The following C2orf76 variants were observed in gnomAD, a reference collection of about 807,000 sequenced individuals.
C2orf76 encodes the protein UPF0538 protein C2orf76.
Under a neutral mutation model 16.9 loss-of-function variants are expected in C2orf76, and 23 were observed. That is an observed-to-expected ratio of 1.36 (90% CI 0.98 to 1.93). C2orf76 has a LOEUF of 1.93. C2orf76 is among the 30% of genes most tolerant of loss of function. The pLI, the probability that C2orf76 is intolerant of heterozygous loss-of-function variation, is 0.00. For missense variants in C2orf76, 152 were observed against 152.6 expected (o/e 1.00, Z 0.02); for synonymous variants, 48 against 52.3 (o/e 0.92, Z 0.35).
At chr2:119,361,724 C>T (rs952565272) in intron 1 of C2orf76, among the ~76,000 whole-genome samples, 1 of 152,090 alleles carries the variant, frequency 6.6e-6, no homozygotes, top group African/African-American at 2.4e-5. Context: ...TAGGAAAAAA[C>T]ATATATAGGG....
Position 119,334,326 on chromosome 2 carries a change from C to T in C2orf76, c.133+5501G>A, listed in dbSNP as rs576688231. Among the ~76,000 whole-genome samples the T allele has an allele frequency of 3.6e-4, 36 of 101,244 alleles. No homozygotes were observed. In the South Asian group the frequency reaches 8.8e-3, roughly 25 times the overall value. The allele number at this position is 101,244 out of a possible 152,430, so 66.4% of individuals were successfully genotyped here. On this transcript the variant is annotated intron_variant, in intron 2 of 5. Transcript: ENST00000334816. ...TGGCTACATGACATTACCCATTTGT[C>T]AAAAACCCAAAGAACTTTGTAGCAC... is the stretch of plus-strand genomic sequence containing the variant.
At chr2:119,339,572 AATT>A (rs1465416997) in intron 2 of C2orf76, among the ~76,000 whole-genome samples, 3 of 121,738 alleles carry the variant, frequency 2.5e-5, no homozygotes, top group African/African-American at 8.7e-5. Context: ...TATTACTTTT[AATT>A]AAAAAAAAAA....
chr2:119,325,375 G>T (rs953785195), intron 2 of C2orf76, among the ~76,000 whole-genome samples: 4 of 145,646 alleles, frequency 2.7e-5, no homozygotes, highest in Admixed American at 7.1e-5. Context: ...CATGAGAATC[G>T]CTTGAACCCA....
the C2orf76 span, among the ~76,000 whole-genome samples, chr2:119,281,518 A>G: frequency 1.3e-5 from 1 of 75,892 alleles, no homozygotes; most frequent in East Asian, 2.2e-4. Context: ...CAAAGAAAAT[A>G]AAAAGAGAGA....
chr2:119,348,966 G>A (rs1431306668), intron 1 of C2orf76, among the ~76,000 whole-genome samples: 1 of 152,234 alleles, frequency 6.6e-6, no homozygotes, highest in Non-Finnish European at 1.5e-5. Context: ...CAGCCTGGGA[G>A]ACAAAGCCAG....
intron 1 of C2orf76, among the ~76,000 whole-genome samples, chr2:119,355,893 T>C (rs1308022054): frequency 6.6e-6 from 1 of 152,158 alleles, no homozygotes; most frequent in Non-Finnish European, 1.5e-5. Context: ...ACACATACTT[T>C]TCAAGTATCC....
At chr2:119,361,842 G>GTT (rs112429464) in intron 1 of C2orf76, among the ~76,000 whole-genome samples, 1 of 151,968 alleles carries the variant, frequency 6.6e-6, no homozygotes, top group Non-Finnish European at 1.5e-5. Context: ...TCAAAATAGT[G>GTT]TTTTTTTGAA....
intron 1 of C2orf76, among the ~76,000 whole-genome samples, chr2:119,343,719 G>A (rs1680110672): frequency 6.6e-6 from 1 of 152,166 alleles, no homozygotes; most frequent in African/African-American, 2.4e-5. Flanking sequence ...GGTGGAGGTT[G>A]CAGTGAGCTG....
downstream of C2orf76, among the ~76,000 whole-genome samples, chr2:119,298,786 T>C (rs752695750): frequency 7.9e-5 from 12 of 152,154 alleles, no homozygotes; most frequent in Non-Finnish European, 1.5e-4. Context: ...GTCTCTTAGT[T>C]CAAAAAAAAC....
At chr2:119,304,934 C>G (rs1003236679) in intron 5 of C2orf76, among the ~76,000 whole-genome samples, 1 of 152,102 alleles carries the variant, frequency 6.6e-6, no homozygotes, top group Non-Finnish European at 1.5e-5. Flanking sequence ...TTCCTGCTTC[C>G]CAAATACTAT....
chr2:119,364,212 G>T (rs1236039379), intron 1 of C2orf76, among the ~76,000 whole-genome samples: 1 of 151,822 alleles, frequency 6.6e-6, no homozygotes, highest in Non-Finnish European at 1.5e-5. Context: ...GACAAGAGTG[G>T]TTTCTATGAA....
intron 5 of C2orf76, among the ~76,000 whole-genome samples, chr2:119,307,147 C>T (rs2104537137): frequency 6.6e-6 from 1 of 152,112 alleles, no homozygotes; most frequent in African/African-American, 2.4e-5. Flanking sequence ...CTAGAAAAAT[C>T]ACATATTTCA....
At chr2:119,301,668 C>T (rs1678624569), downstream of C2orf76, among the ~76,000 whole-genome samples, 1 of 152,186 alleles carries the variant, frequency 6.6e-6, no homozygotes, top group Non-Finnish European at 1.5e-5. Flanking sequence ...AAGGACTCCA[C>T]AGGTGCTGGC....
chr2:119,325,935 G>T (rs1258480985), intron 2 of C2orf76, among the ~76,000 whole-genome samples: 3 of 152,120 alleles, frequency 2.0e-5, no homozygotes, highest in Non-Finnish European at 4.4e-5. Context: ...GTTATAAGAG[G>T]TTTTGGTTTT....
intron 4 of C2orf76, among the ~76,000 whole-genome samples, chr2:119,314,013 G>GTTTTT (rs1679081403): frequency 1.9e-5 from 1 of 53,790 alleles, no homozygotes; most frequent in Admixed American, 1.6e-4. Context: ...TTTTCTCAGT[G>GTTTTT]GTTTTTTTTT....
chr2:119,335,736 C>T (rs1427736383), intron 2 of C2orf76, among the ~76,000 whole-genome samples: 1 of 152,126 alleles, frequency 6.6e-6, no homozygotes, highest in Middle Eastern at 3.2e-3. Context: ...ACGTCAATGT[C>T]AATAATCCTA....
At chr2:119,342,482 G>A (rs1355381481) in intron 1 of C2orf76, among the ~76,000 whole-genome samples, 1 of 151,868 alleles carries the variant, frequency 6.6e-6, no homozygotes, top group Non-Finnish European at 1.5e-5. Context: ...CATGGTGGCG[G>A]GTTCCTGAAA....
the C2orf76 span, among the ~76,000 whole-genome samples, chr2:119,288,720 C>T: frequency 6.6e-6 from 1 of 152,022 alleles, no homozygotes; most frequent in Non-Finnish European, 1.5e-5. Flanking sequence ...AAGCTAGACA[C>T]TCACCCTCAG....
At chr2:119,339,522 C>T (rs1252322732) in intron 2 of C2orf76, among the ~76,000 whole-genome samples, 1 of 151,378 alleles carries the variant, frequency 6.6e-6, no homozygotes, top group Non-Finnish European at 1.5e-5. Flanking sequence ...GCTTGCTAAT[C>T]AACCTCCAAA....
Sources: allele counts gnomAD v4.1 joint callset (sites outside exome capture counted in the v4.1 genomes callset), GRCh38; gene constraint gnomAD v4.1.1; transcripts MANE v1.5; gene names NCBI Gene and HGNC (gene_info 2026-07-23, HGNC 2026-07-21).